GRIN3A: variants seen among roughly 807,000 people sequenced by gnomAD.
GRIN3A encodes the protein glutamate ionotropic receptor NMDA type subunit 3A, also known as glutamate receptor ionotropic, NMDA 3A.
In GRIN3A, 47 loss-of-function variants were observed where a neutral mutation model predicts 92.4. The ratio of observed to expected loss-of-function variants is 0.51; its 90% CI spans 0.40 to 0.65. GRIN3A has a LOEUF of 0.65. Among genes scored for constraint, GRIN3A ranks in the 30% least tolerant of loss-of-function variants. GRIN3A has a pLI of 0.00. For synonymous variants in GRIN3A, 527 were observed against 540.6 expected, an observed-to-expected ratio of 0.97 and a Z score of 0.35; for missense variants, 1,324 against 1,393.1, an observed-to-expected ratio of 0.95 and a Z score of 0.79.
chr9:101,715,017 A>T (rs1308204406), intron 1 of GRIN3A, among the ~76,000 whole-genome samples: 2 of 152,116 alleles, frequency 1.3e-5, no homozygotes, highest in Non-Finnish European at 2.9e-5. Flanking sequence ...AAGAAAAATA[A>T]CAAAGACAGG....
At chr9:101,729,363 G>A (rs1272778368) in intron 1 of GRIN3A, among the ~76,000 whole-genome samples, 2 of 152,112 alleles carry the variant, frequency 1.3e-5, no homozygotes, top group African/African-American at 2.4e-5. Context: ...AGTCAAGGGT[G>A]GCATTCTTTC....
intron 3 of GRIN3A, among the ~76,000 whole-genome samples, chr9:101,651,251 A>G (rs1352649503): frequency 2.6e-5 from 4 of 152,046 alleles, no homozygotes; most frequent in African/African-American, 9.7e-5. Context: ...CCATTAATAT[A>G]TAATCTGTAT....
At chr9:101,710,084 G>A (rs1425171915) in intron 1 of GRIN3A, among the ~76,000 whole-genome samples, 4 of 152,076 alleles carry the variant, frequency 2.6e-5, no homozygotes, top group African/African-American at 9.7e-5. Flanking sequence ...TTGGGGTCCG[G>A]GAGAAGAAAA....
intron 3 of GRIN3A, among the ~76,000 whole-genome samples, chr9:101,637,466 G>T (rs1355673516): frequency 6.6e-6 from 1 of 152,134 alleles, no homozygotes. Flanking sequence ...ATGGAGCATG[G>T]GCTAGAGAAA....
intron 1 of GRIN3A, among the ~76,000 whole-genome samples, chr9:101,692,519 A>G (rs1829632124): frequency 6.6e-6 from 1 of 152,208 alleles, no homozygotes; most frequent in Non-Finnish European, 1.5e-5. Context: ...TGGGTTTAAG[A>G]GAAGAGAAAA....
At chr9:101,607,273 C>T (rs1488453092) in intron 6 of GRIN3A, among the ~76,000 whole-genome samples, 1 of 151,894 alleles carries the variant, frequency 6.6e-6, no homozygotes, top group Non-Finnish European at 1.5e-5. Flanking sequence ...GTATTAATGT[C>T]CAACTGCTAG....
At chr9:101,677,336 T>C (rs1051485918) in intron 2 of GRIN3A, among the ~76,000 whole-genome samples, 1 of 152,038 alleles carries the variant, frequency 6.6e-6, no homozygotes, top group Non-Finnish European at 1.5e-5. Context: ...TCATTGTTTC[T>C]TTAATACTCT....
chr9:101,596,665 G>C (rs1564122385), intron 6 of GRIN3A, among the ~76,000 whole-genome samples: 1 of 152,200 alleles, frequency 6.6e-6, no homozygotes, highest in Non-Finnish European at 1.5e-5. Flanking sequence ...GGAGCCTCTA[G>C]AATTGTGTTA....
At chr9:101,626,752 A>C (rs927848204) in intron 4 of GRIN3A, among the ~76,000 whole-genome samples, 1 of 152,068 alleles carries the variant, frequency 6.6e-6, no homozygotes, top group African/African-American at 2.4e-5. Flanking sequence ...TCAAGGACCT[A>C]CTCTTTCATC....
At chr9:101,719,928 T>C (rs1407921308) in intron 1 of GRIN3A, among the ~76,000 whole-genome samples, 1 of 152,232 alleles carries the variant, frequency 6.6e-6, no homozygotes, top group Non-Finnish European at 1.5e-5. Flanking sequence ...CCTCCTATCC[T>C]GATGGCTCCC....
intron 3 of GRIN3A, among the ~76,000 whole-genome samples, chr9:101,641,285 G>A (rs900321274): frequency 6.6e-6 from 1 of 151,932 alleles, no homozygotes; most frequent in Non-Finnish European, 1.5e-5. Context: ...CCCATTACTG[G>A]GTATATACCC....
intron 1 of GRIN3A, among the ~76,000 whole-genome samples, chr9:101,703,632 C>T (rs10989598): frequency 0.17 from 26,254 of 152,166 alleles, 2,803 homozygotes; most frequent in Non-Finnish European, 0.24. Context: ...CCTAGGAAAA[C>T]GTTCAGTGGC....
At chr9:101,575,086 G>C (rs1827809903) in intron 8 of GRIN3A, among the ~76,000 whole-genome samples, 2 of 152,180 alleles carry the variant, frequency 1.3e-5, no homozygotes, top group African/African-American at 4.8e-5. Flanking sequence ...GTATTGGGAT[G>C]ATTTATCACA....
chr9:101,577,654 AT>A (rs1042002808), intron 8 of GRIN3A, 113 bp downstream of exon 8: 1 of 827,462 alleles, frequency 1.2e-6, no homozygotes, highest in Non-Finnish European at 2.1e-6. Flanking sequence ...ATTTCCCTCT[AT>A]TTATACTGAT....
intron 1 of GRIN3A, among the ~76,000 whole-genome samples, chr9:101,714,546 T>A (rs1194961758): frequency 6.6e-6 from 1 of 152,168 alleles, no homozygotes; most frequent in Non-Finnish European, 1.5e-5. Context: ...TTGTCCCCTG[T>A]AGTTATTAGC....
chr9:101,648,540 A>AT (rs1289745976), intron 3 of GRIN3A, among the ~76,000 whole-genome samples: 1 of 152,028 alleles, frequency 6.6e-6, no homozygotes, highest in Non-Finnish European at 1.5e-5. Context: ...TGATCTGTTC[A>AT]TTGGTGAAAG....
intron 3 of GRIN3A, among the ~76,000 whole-genome samples, chr9:101,664,078 C>T (rs1829209215): frequency 6.6e-6 from 1 of 151,808 alleles, no homozygotes; most frequent in South Asian, 2.1e-4. Flanking sequence ...ATCTTAGATA[C>T]CAGCAGAACA....
Position 101,643,063 on chromosome 9 carries a change from C to T in GRIN3A, c.2353-14662G>A, listed in dbSNP as rs915331300. Among the ~76,000 whole-genome samples the T allele has an allele frequency of 9.9e-5, 15 of 152,236 alleles. No homozygotes were observed. The East Asian group carries it at 2.9e-3, about 29-fold the overall frequency. On this transcript the variant is annotated intron_variant, in intron 3 of 8. Transcript: ENST00000361820. ...TGCACTTGAATCATCCCAAAACCAT[C>T]CTTCCCCACCATCTGTGGAAAAATT... is the stretch of plus-strand genomic sequence containing the variant.
rs1433486872 is a variant in GRIN3A, at chr9:101,590,281, C to T, written c.2767-10921G>A. Among the ~76,000 whole-genome samples, 7 of 152,222 alleles carry T rather than the reference C, an allele frequency of 4.6e-5. No homozygotes were observed. The South Asian group carries it at 1.0e-3, about 23-fold the overall frequency. The stretch of plus-strand genomic sequence containing the variant: ...ACTGGGGTAGGTACGGTAGTTGACA[C>T]GGCAGCAGAGAAGTCCGGTCTGATT... On this transcript the variant is annotated intron_variant, in intron 6 of 8. Coordinates refer to ENST00000361820, the MANE Select transcript of GRIN3A (RefSeq NM_133445.3).
Sources: gnomAD v4.1 joint callset for allele counts (sites outside exome capture counted in the v4.1 genomes callset) on GRCh38, gnomAD v4.1.1 for gene constraint, MANE v1.5 for transcripts, NCBI Gene and HGNC (gene_info 2026-07-23, HGNC 2026-07-21) for gene names.